FRMPD4: variants seen among roughly 807,000 people sequenced by gnomAD.
The protein encoded by FRMPD4 is FERM and PDZ domain-containing protein 4.
Under a neutral mutation model 94.1 loss-of-function variants are expected in FRMPD4, and 22 were observed. The ratio of observed to expected loss-of-function variants is 0.23; its 90% CI spans 0.17 to 0.33. FRMPD4 has a LOEUF of 0.33. Ranked by LOEUF, FRMPD4 falls within the 10% of genes least tolerant of loss-of-function variation. The probability of loss-of-function intolerance (pLI) is 1.00; values close to 1 mark genes in which losing one functional copy is unlikely to be tolerated. For synonymous variants in FRMPD4, 631 were observed against 548.6 expected (o/e 1.15, Z -2.10); for missense variants, 1,111 against 1,339.9 (o/e 0.83, Z 2.67).
At chrX:12,142,459 TC>T (rs1007518692) in intron 1 of FRMPD4, among the ~76,000 whole-genome samples, 1 of 111,321 alleles carries the variant, frequency 9.0e-6, no homozygotes, top group African/African-American at 3.3e-5. Context: ...TTTTCCCATA[TC>T]CCCTATTTTT....
intron 3 of FRMPD4, among the ~76,000 whole-genome samples, chrX:12,131,212 G>C (rs2055550233): frequency 8.9e-6 from 1 of 112,125 alleles, no homozygotes; most frequent in African/African-American, 3.2e-5. Context: ...CTTGAATAAA[G>C]GTCAGCTGCT....
At chrX:12,678,757 A>G (rs1283882970) in intron 5 of FRMPD4, among the ~76,000 whole-genome samples, 3 of 112,255 alleles carry the variant, frequency 2.7e-5, no homozygotes, top group Non-Finnish European at 3.8e-5. Context: ...CCTGGGAGGC[A>G]GAGGTTGCAG....
intron 2 of FRMPD4, among the ~76,000 whole-genome samples, chrX:12,556,470 C>T (rs1394391184): frequency 9.0e-6 from 1 of 111,149 alleles, no homozygotes. Context: ...CCTACAGTCA[C>T]AAGGAACTGA....
At chrX:12,272,793 C>T (rs901577670) in intron 1 of FRMPD4, among the ~76,000 whole-genome samples, 20 of 111,491 alleles carry the variant, frequency 1.8e-4, no homozygotes, top group African/African-American at 6.2e-4. Flanking sequence ...GAAAAGGCTG[C>T]GTGTGGTGGC....
Position 12,261,566 on chromosome X carries a change from C to T in FRMPD4, c.41+122554C>T, listed in dbSNP as rs759322238. On this transcript the variant is annotated intron_variant, in intron 1 of 16. Coordinates refer to ENST00000675598, the MANE Select transcript of FRMPD4 (RefSeq NM_001368397.1). ...GTGATAAAAGACTGAACAACTTAGT[C>T]CAGCAAGAGTTCAGAAGAAAAACAG... is the stretch of plus-strand genomic sequence containing the variant. 1.2e-4 allele frequency among the ~76,000 whole-genome samples: 13 copies of T among 111,896 alleles called. No individual in the cohort carries two copies. In the South Asian group the frequency reaches 4.8e-3, roughly 42 times the overall value.
Position 12,498,689 on chromosome X carries a change from G to A in FRMPD4, c.51G>A (p.Thr17=), listed in dbSNP as rs753155651. 2.2e-5 allele frequency: 25 copies of A among 1,156,091 alleles called. No homozygotes were observed. In the African/African-American group the frequency reaches 2.6e-4, roughly 12 times the overall value. Residue 17 remains threonine (T), a synonymous_variant, in exon 2 of 17, where the codon ACG becomes ACA. Transcript: ENST00000675598. ...TTTTTTTCTTTTCCAGCCACAGGAC[G>A]AAGTCTTCAGGCTGGCCGCCTCCCT... The part of the protein sequence containing the change: ...VKIAKLSSHR[T]KSSGWPPPSG...
intron 1 of FRMPD4, among the ~76,000 whole-genome samples, chrX:12,432,522 C>T (rs944952161): frequency 9.0e-6 from 1 of 111,546 alleles, no homozygotes; most frequent in Non-Finnish European, 1.9e-5. Context: ...CAAAATCACC[C>T]AAATGGCTGA....
At chrX:12,665,167 G>T (rs1269537610) in intron 4 of FRMPD4, among the ~76,000 whole-genome samples, 1 of 111,689 alleles carries the variant, frequency 9.0e-6, no homozygotes, top group Non-Finnish European at 1.9e-5. Context: ...AACGTGCTGG[G>T]TGCAGTGGCT....
chrX:12,071,158 A>G (rs771654113), intron 3 of FRMPD4, among the ~76,000 whole-genome samples: 16 of 110,875 alleles, frequency 1.4e-4, no homozygotes, highest in Non-Finnish European at 2.5e-4. Context: ...TTGGGGTGGT[A>G]AACAGGCTTC....
chrX:11,982,990 A>G, intron 3 of FRMPD4, among the ~76,000 whole-genome samples: 1 of 111,311 alleles, frequency 9.0e-6, no homozygotes, highest in Middle Eastern at 4.2e-3. Flanking sequence ...ATTTGCTGTC[A>G]TTCTTTTAGG....
intron 3 of FRMPD4, among the ~76,000 whole-genome samples, chrX:11,883,885 C>G (rs112919192): frequency 8.9e-6 from 1 of 111,888 alleles, no homozygotes; most frequent in African/African-American, 3.2e-5. Context: ...CAATTTTGAC[C>G]CAGCTGTGTT....
At chrX:12,191,107 A>G (rs1364251205) in intron 1 of FRMPD4, among the ~76,000 whole-genome samples, 7 of 112,612 alleles carry the variant, frequency 6.2e-5, no homozygotes, top group Non-Finnish European at 1.3e-4. Context: ...CAGACACGTC[A>G]TCAAAGAAGA....
chrX:11,883,049 G>A (rs747803990), intron 3 of FRMPD4, among the ~76,000 whole-genome samples: 4 of 111,747 alleles, frequency 3.6e-5, no homozygotes, highest in East Asian at 2.8e-4. Flanking sequence ...TCTGCCAGGC[G>A]CTACTCTAGG....
In FRMPD4 at chrX:12,209,230, C is replaced by T. The variant is rs566194229; in HGVS notation, c.41+70218C>T. Among the ~76,000 whole-genome samples, 3 of 111,655 alleles carry T rather than the reference C, an allele frequency of 2.7e-5. No individual in the cohort carries two copies. In the East Asian group the frequency reaches 8.4e-4, roughly 31 times the overall value. On this transcript the variant is annotated intron_variant, in intron 1 of 16. Transcript: ENST00000675598. The stretch of plus-strand genomic sequence containing the variant: ...GTACAAGTGGTTTTAATTTAGGTCT[C>T]ATAAAACTAAAAGCAGATATCCCTA...
At chrX:12,187,897 C>T (rs1255711727) in intron 1 of FRMPD4, among the ~76,000 whole-genome samples, 1 of 111,732 alleles carries the variant, frequency 8.9e-6, no homozygotes, top group Non-Finnish European at 1.9e-5. Flanking sequence ...ACCCAAGCAC[C>T]TTCAGACTGC....
At chrX:12,451,235 G>A (rs2057266558) in intron 1 of FRMPD4, among the ~76,000 whole-genome samples, 1 of 111,594 alleles carries the variant, frequency 9.0e-6, no homozygotes, top group Admixed American at 9.6e-5. Flanking sequence ...GAGACCAGAC[G>A]TTTTGCCTTC....
intron 1 of FRMPD4, among the ~76,000 whole-genome samples, chrX:12,412,934 A>G (rs930331515): frequency 9.0e-6 from 1 of 111,287 alleles, no homozygotes; most frequent in Non-Finnish European, 1.9e-5. Flanking sequence ...GCATTGGCCA[A>G]TGCCTCCATG....
At chrX:12,652,677 A>G (rs2059607276) in intron 4 of FRMPD4, among the ~76,000 whole-genome samples, 1 of 112,055 alleles carries the variant, frequency 8.9e-6, no homozygotes, top group Non-Finnish European at 1.9e-5. Context: ...TGCATCTGCA[A>G]ACTGGATGGG....
intron 1 of FRMPD4, among the ~76,000 whole-genome samples, chrX:12,156,566 G>A (rs2055939883): frequency 8.9e-6 from 1 of 112,056 alleles, no homozygotes; most frequent in Non-Finnish European, 1.9e-5. Context: ...AGTGGGAAAT[G>A]TGCTTCTCTG....
Sources: allele counts gnomAD v4.1 joint callset (sites outside exome capture counted in the v4.1 genomes callset), GRCh38; gene constraint gnomAD v4.1.1; transcripts MANE v1.5; gene names NCBI Gene and HGNC (gene_info 2026-07-23, HGNC 2026-07-21).